The following PDE10A variants were observed in gnomAD, a reference collection of about 807,000 sequenced individuals.
PDE10A encodes the protein phosphodiesterase 10A.
A neutral mutation model predicts 97.7 loss-of-function variants in PDE10A; 39 were observed. The ratio of observed to expected loss-of-function variants is 0.40; its 90% CI spans 0.31 to 0.52. PDE10A has a LOEUF of 0.52. Ranked by LOEUF, PDE10A falls within the 20% of genes least tolerant of loss-of-function variation. PDE10A has a pLI of 0.56. For synonymous variants in PDE10A, 371 were observed against 376.8 expected, an observed-to-expected ratio of 0.98 and a Z score of 0.18; for missense variants, 731 against 1,047.8, an observed-to-expected ratio of 0.70 and a Z score of 4.17.
chr6:165,931,232 A>G (rs528852306), intron 1 of PDE10A, among the ~76,000 whole-genome samples: 27 of 152,142 alleles, frequency 1.8e-4, no homozygotes, highest in Non-Finnish European at 3.5e-4. Flanking sequence ...ACTCATGAGC[A>G]CCTTGCTCTG....
At chr6:165,424,795 G>C (rs1325321321) in intron 10 of PDE10A, among the ~76,000 whole-genome samples, 1 of 152,080 alleles carries the variant, frequency 6.6e-6, no homozygotes, top group Admixed American at 6.6e-5. Flanking sequence ...GTTCAACATT[G>C]AGTAATAATA....
At chr6:165,907,074 ACTC>A (rs1201243454) in intron 1 of PDE10A, among the ~76,000 whole-genome samples, 1 of 150,362 alleles carries the variant, frequency 6.7e-6, no homozygotes, top group African/African-American at 2.5e-5. Context: ...TGTTAGGAGG[ACTC>A]CTCTGCATAT....
Position 165,827,323 on chromosome 6 carries a change from C to A in PDE10A, c.-615+160206G>T, listed in dbSNP as rs147530425. On this transcript the variant is annotated intron_variant, in intron 1 of 19. Coordinates refer to the PDE10A transcript ENST00000366882. ...AGGGGTGACGCGGGGCGGGGGCACC[C>A]GGTGTCCAGCTCGAGACCTGTGCGG... 1.1e-3 allele frequency among the ~76,000 whole-genome samples: 166 copies of A among 152,318 alleles called. 1 individual carries two copies. The East Asian group carries it at 0.025, about 23-fold the overall frequency.
At chr6:165,652,452 G>A (rs932338250) in intron 1 of PDE10A, among the ~76,000 whole-genome samples, 8 of 151,942 alleles carry the variant, frequency 5.3e-5, no homozygotes, top group Non-Finnish European at 1.0e-4. Flanking sequence ...CTCCCAAAGT[G>A]CTAGGATTAC....
chr6:165,378,771 T>C (rs137859152), intron 18 of PDE10A, among the ~76,000 whole-genome samples: 8 of 151,926 alleles, frequency 5.3e-5, no homozygotes, highest in Non-Finnish European at 1.0e-4. Flanking sequence ...AAAAGGGGAG[T>C]CCAGTTTCTA....
intron 2 of PDE10A, among the ~76,000 whole-genome samples, chr6:165,484,308 G>C (rs1017860842): frequency 6.6e-6 from 1 of 152,242 alleles, no homozygotes; most frequent in African/African-American, 2.4e-5. Flanking sequence ...CAGTGGCTTA[G>C]AGCAGGAGGC....
chr6:165,694,882 C>T (rs1791403404), intron 1 of PDE10A, among the ~76,000 whole-genome samples: 2 of 152,144 alleles, frequency 1.3e-5, no homozygotes, highest in South Asian at 4.1e-4. Context: ...TCCCTAAAAA[C>T]AGGATAGTAA....
intron 1 of PDE10A, among the ~76,000 whole-genome samples, chr6:165,719,765 G>A (rs1336731282): frequency 6.6e-6 from 1 of 152,174 alleles, no homozygotes; most frequent in East Asian, 1.9e-4. Flanking sequence ...ATCTGTGACA[G>A]CATTTGGAAA....
intron 1 of PDE10A, among the ~76,000 whole-genome samples, chr6:165,730,439 C>A (rs1344643173): frequency 6.6e-6 from 1 of 152,138 alleles, no homozygotes; most frequent in African/African-American, 2.4e-5. Context: ...TACACAAATG[C>A]AAGCATATGT....
chr6:165,329,092 C>T lies in PDE10A; in HGVS notation c.*3933G>A, dbSNP rs1286363595. The T allele has an allele frequency of 1.3e-5, 2 of 152,086 alleles. No individual in the cohort carries two copies. The highest frequency in any genetic ancestry group is 2.9e-5 in the Non-Finnish European group (2 of 68,024). The allele number at this position is 152,086 out of a possible 1,614,324, so 9.4% of individuals were successfully genotyped here. ...AATATAGTCTTTAAAGAATTAAATC[C>T]TAAATAAAATCTGCAAAGTGTAGAA... On this transcript the variant is annotated 3_prime_UTR_variant, in exon 22 of 22. Coordinates refer to ENST00000539869, the MANE Select transcript of PDE10A (RefSeq NM_001385079.1).
chr6:165,662,899 T>C lies in PDE10A; in HGVS notation c.-88A>G, dbSNP rs1437730846. ...CGGTGGGCTCCGCCCCCGCAGGACC[T>C]GCCCACCCCTGCCGGCCGCCCGAAC... On this transcript the variant is annotated 5_prime_UTR_variant, in exon 1 of 22. Coordinates refer to ENST00000539869, the MANE Select transcript of PDE10A (RefSeq NM_001385079.1). 6.7e-6 allele frequency among the ~76,000 whole-genome samples: 1 copy of C among 150,330 alleles called. No individual in the cohort carries two copies. The highest frequency in any genetic ancestry group is 1.5e-5 in the Non-Finnish European group (1 of 67,386).
chr6:165,515,475 T>A (rs1781741128), intron 2 of PDE10A, among the ~76,000 whole-genome samples: 1 of 150,654 alleles, frequency 6.6e-6, no homozygotes, highest in Non-Finnish European at 1.5e-5. Context: ...TATCATAAAA[T>A]AAAATTTATA....
At chr6:165,920,103 T>C (rs1367360415) in intron 1 of PDE10A, among the ~76,000 whole-genome samples, 5 of 152,250 alleles carry the variant, frequency 3.3e-5, no homozygotes, top group African/African-American at 1.2e-4. Context: ...CTTATCTGGT[T>C]ACAAATTTTT....
chr6:165,937,372 G>A (rs966527448), intron 1 of PDE10A, among the ~76,000 whole-genome samples: 6 of 152,168 alleles, frequency 3.9e-5, no homozygotes, highest in Admixed American at 6.5e-5. Flanking sequence ...TTAATTCTCA[G>A]AGTAACTTTT....
intron 1 of PDE10A, among the ~76,000 whole-genome samples, chr6:165,743,349 T>C (rs1792772028): frequency 6.6e-6 from 1 of 152,256 alleles, no homozygotes; most frequent in Admixed American, 6.5e-5. Context: ...GGTACATTTA[T>C]CATAATTCAG....
intron 9 of PDE10A, among the ~76,000 whole-genome samples, chr6:165,429,320 C>T (rs574432184): frequency 5.3e-5 from 8 of 151,968 alleles, no homozygotes; most frequent in East Asian, 3.9e-4. Flanking sequence ...AAAGATAAAT[C>T]GATATGCATG....
intron 1 of PDE10A, among the ~76,000 whole-genome samples, chr6:165,782,883 T>C (rs117056833): frequency 0.019 from 2,838 of 152,266 alleles, 62 homozygotes; most frequent in Middle Eastern, 0.034. Flanking sequence ...CCGTGTGTGA[T>C]TTTTTAAATG....
At chr6:165,958,005 G>C (rs917135004) in intron 1 of PDE10A, among the ~76,000 whole-genome samples, 2 of 152,180 alleles carry the variant, frequency 1.3e-5, no homozygotes, top group African/African-American at 4.8e-5. Context: ...AAGCATGATC[G>C]TAACGGTCTT....
chr6:165,710,265 CTG>C (rs1271545389), intron 1 of PDE10A, among the ~76,000 whole-genome samples: 2 of 152,296 alleles, frequency 1.3e-5, no homozygotes, highest in African/African-American at 4.8e-5. Context: ...GACACAAGGA[CTG>C]TATCTTGGTC....
Sources: allele counts gnomAD v4.1 joint callset (sites outside exome capture counted in the v4.1 genomes callset), GRCh38; gene constraint gnomAD v4.1.1; transcripts MANE v1.5; gene names NCBI Gene and HGNC (gene_info 2026-07-23, HGNC 2026-07-21).